JRKL: variants seen among roughly 807,000 people sequenced by gnomAD.
JRKL encodes the protein jerky protein homolog-like.
A neutral mutation model predicts 34.7 loss-of-function variants in JRKL; 25 were observed. The observed-to-expected ratio is 0.72, with a 90% CI of 0.53 to 1.01. The LOEUF is 1.01. Ranked by LOEUF, JRKL falls within the 50% of genes least tolerant of loss-of-function variation. The probability of loss-of-function intolerance (pLI) is 0.00; values close to 1 mark genes in which losing one functional copy is unlikely to be tolerated. For synonymous variants in JRKL, 204 were observed against 212.8 expected (o/e 0.96, Z 0.36); for missense variants, 495 against 615.7 (o/e 0.80, Z 2.07).
Position 96,391,816 on chromosome 11 carries a change from C to T in JRKL, c.1167C>T (p.Leu389=), listed in dbSNP as rs533002391. Residue 389 remains leucine, a synonymous_variant, in exon 2 of 2, where the codon CTC becomes CTT. Transcript: ENST00000332349. ...TTAGCAGAGCATGGAAGAAGATTCT[C>T]CCTATGGTAGAGGAGAAAGAGAGCC... ...VTISRAWKKI[L]PMVEEKESLD... is the part of the protein sequence containing the mutation. 3 of 1,614,030 alleles carry T rather than the reference C, an allele frequency of 1.9e-6. No individual in the cohort carries two copies. The highest frequency in any genetic ancestry group is 2.5e-6 in the Non-Finnish European group (3 of 1,180,028).
rs985094037 is a variant in JRKL, at chr11:96,393,203, G to A, written c.*979G>A. 8 of 163,210 alleles carry A rather than the reference G, an allele frequency of 4.9e-5. No individual in the cohort carries two copies. The highest frequency in any genetic ancestry group is 4.7e-4 in the Admixed American group (7 of 14,890). The allele number at this position is 163,210 out of a possible 1,614,324, so 10.1% of individuals were successfully genotyped here. A position where few individuals can be genotyped will look rare whatever the true frequency, so the allele number is the denominator to read the frequency against. On this transcript the variant is annotated 3_prime_UTR_variant, in exon 2 of 2. Coordinates refer to ENST00000332349, the MANE Select transcript of JRKL (RefSeq NM_001261833.2). ...TAATTTGAAAAATATTGTCATATCT[G>A]GCCCTTTGATGAGAAAAGGAAATTA... is the stretch of plus-strand genomic sequence containing the variant.
At position 96,392,948 on chromosome 11, in the gene JRKL, G is replaced by A. The variant is rs1285326620; in HGVS notation, c.*724G>A. On this transcript the variant is annotated 3_prime_UTR_variant, in exon 2 of 2. Transcript: ENST00000332349. Reference sequence around the variant, plus strand: ...GAACTTTAGGTTATTTATACAAAGGGAATAAATAGGCTGATTTTAATTTGG... The same window carrying A: ...GAACTTTAGGTTATTTATACAAAGGAAATAAATAGGCTGATTTTAATTTGG... 1.8e-5 allele frequency: 3 copies of A among 166,570 alleles called. No homozygotes were observed. In the Admixed American group the frequency reaches 2.0e-4, roughly 11 times the overall value. 10.3% of individuals were successfully genotyped at this position (166,570 alleles called of 1,614,324 possible). A position where few individuals can be genotyped will look rare whatever the true frequency, so the allele number is the denominator to read the frequency against.
chr11:96,390,202 C>T (rs917810802), intron 1 of JRKL, 129 bp downstream of exon 1: 4 of 157,352 alleles, frequency 2.5e-5, no homozygotes, highest in African/African-American at 9.6e-5. Context: ...TATCCGTTCC[C>T]CTGAGGAAGG....
intron 1 of JRKL, among the ~76,000 whole-genome samples, 186 bp downstream of exon 1, chr11:96,390,259 TG>T (rs1351923752): frequency 1.3e-5 from 2 of 152,070 alleles, no homozygotes; most frequent in East Asian, 3.9e-4. Flanking sequence ...GTCGTAACTT[TG>T]GGGTGTGGCA....
chr11:96,391,771 C>T lies in JRKL; in HGVS notation c.1122C>T (p.Asn374=), dbSNP rs2136244308. Residue 374 remains asparagine (N), a synonymous_variant, in exon 2 of 2, where the codon AAC becomes AAT. Coordinates refer to ENST00000332349, the MANE Select transcript of JRKL (RefSeq NM_001261833.2). ...DALYEIAMAW[N]LVKPVTISRA... ...TTTATGAAATAGCAATGGCATGGAA[C>T]TTAGTAAAACCAGTTACCATTAGCA... 1 of 1,614,174 alleles carries T rather than the reference C, an allele frequency of 6.2e-7. No homozygotes were observed. The highest frequency in any genetic ancestry group is 1.3e-5 in the African/African-American group (1 of 75,052).
At position 96,392,069 on chromosome 11, in the gene JRKL, A is replaced by C. The variant is rs1435078138; in HGVS notation, c.1420A>C (p.Lys474Gln). 6.2e-7 allele frequency: 1 copy of C among 1,614,040 alleles called. No homozygotes were observed. The highest frequency in any genetic ancestry group is 1.7e-5 in the Admixed American group (1 of 60,032). The change falls in exon 2 of 2, where the codon AAA becomes CAA. Residue 474 changes from lysine (K) to glutamine (Q), a missense_variant. By Grantham distance (53) the Lys-to-Gln change is moderately conservative (BLOSUM62 1). Coordinates refer to ENST00000332349, the MANE Select transcript of JRKL (RefSeq NM_001261833.2). ...EEEEIELIPE[K>Q]HINHAAALQW... ...GGAGGAAATAGAACTAATTCCAGAG[A>C]AACATATTAATCATGCAGCTGCCCT...
Position 96,392,163 on chromosome 11 carries a change from TA to T in JRKL, c.1516del (p.Ile506TyrfsTer14). The T allele has an allele frequency of 1.9e-6, 3 of 1,608,780 alleles. No homozygotes were observed. The highest frequency in any genetic ancestry group is 2.5e-6 in the Non-Finnish European group (3 of 1,178,328). The part of the protein sequence containing the change: ...QGDMILPDRL[V>X]IRKLRATIRN... ...GATATGATTCTACCTGATAGACTGG[TA>T]ATACGTAAACTTCGAGCCACCATCA... is the stretch of plus-strand genomic sequence containing the variant. On this transcript the variant is annotated frameshift_variant, in exon 2 of 2. Coordinates refer to ENST00000332349, the MANE Select transcript of JRKL (RefSeq NM_001261833.2). LOFTEE classifies it high-confidence loss of function.
rs369808888 is a variant in JRKL at position 96,390,942 on chromosome 11, C to G, written c.293C>G (p.Ser98Cys). 9.3e-6 allele frequency: 15 copies of G among 1,614,084 alleles called. No homozygotes were observed. Among genetic ancestry groups the G allele is most frequent in the Non-Finnish European group, 1.3e-5 (15 of 1,180,042 alleles). The part of the protein sequence containing the change: ...NQQRAKGNPI[S>C]GPICAKRAEF... ...CAAAGAGCAAAAGGGAATCCCATAT[C>G]TGGACCAATTTGTGCAAAAAGGGCA... is the stretch of plus-strand genomic sequence containing the variant. The change falls in exon 2 of 2, where the codon TCT becomes TGT. Residue 98 changes from serine to cysteine, a missense_variant. Transcript: ENST00000332349.
rs1866553686 is a variant in JRKL at position 96,392,030 on chromosome 11, A to C, written c.1381A>C (p.Ser461Arg). The change falls in exon 2 of 2, where the codon AGT becomes CGT. Residue 461 changes from serine (S) to arginine (R), a missense_variant. Transcript: ENST00000332349. ...RRAQGQADES[S>R]ENEEEEIELI... ...AGCACAAGGCCAGGCAGATGAATCC[A>C]GTGAAAATGAGGAGGAGGAAATAGA... 1 of 1,613,950 alleles carries C rather than the reference A, an allele frequency of 6.2e-7. No homozygotes were observed. Among genetic ancestry groups the C allele is most frequent in the Admixed American group, 1.7e-5 (1 of 60,004 alleles).
rs1363414397 is a variant in JRKL, at chr11:96,392,342, A to C, written c.*118A>C. The stretch of plus-strand genomic sequence containing the variant: ...TGGTCCTGTGAAATACAGGCACAAA[A>C]TGTATCTGAAGTGGTTTGAGGATTA... On this transcript the variant is annotated 3_prime_UTR_variant, in exon 2 of 2. Transcript: ENST00000332349. The C allele has an allele frequency of 1.4e-5, 19 of 1,399,474 alleles. No homozygotes were observed. The highest frequency in any genetic ancestry group is 1.8e-5 in the Non-Finnish European group (19 of 1,060,196). 86.7% of individuals were successfully genotyped at this position (1,399,474 alleles called of 1,614,324 possible). A position where few individuals can be genotyped will look rare whatever the true frequency, so the allele number is the denominator to read the frequency against.
At position 96,390,674 on chromosome 11, in the gene JRKL, G is replaced by A. The variant is rs1866503163; in HGVS notation, c.25G>A (p.Val9Met). 2 of 1,593,058 alleles carry A rather than the reference G, an allele frequency of 1.3e-6. No homozygotes were observed. The highest frequency in any genetic ancestry group is 1.7e-6 in the Non-Finnish European group (2 of 1,172,958). Residue 9 changes from valine to methionine, a missense_variant, in exon 2 of 2, where the codon GTG (valine) becomes ATG (methionine). Val to Met is a conservative substitution (Grantham distance 21). Coordinates refer to ENST00000332349, the MANE Select transcript of JRKL (RefSeq NM_001261833.2). MSGKRKRV[V>M]LTIKDKLDII... Reference sequence around the variant, plus strand: ...TATGTCAGGGAAACGGAAGCGTGTGGTGTTGACTATTAAAGATAAGCTTGA... The same window carrying A: ...TATGTCAGGGAAACGGAAGCGTGTGATGTTGACTATTAAAGATAAGCTTGA...
At position 96,392,347 on chromosome 11, in the gene JRKL, TCTGAA is replaced by T; in HGVS notation, c.*124_*128del. 2 of 1,381,108 alleles carry T rather than the reference TCTGAA, an allele frequency of 1.4e-6. No individual in the cohort carries two copies. The allele number at this position is 1,381,108 out of a possible 1,614,324, so 85.6% of individuals were successfully genotyped here. On this transcript the variant is annotated 3_prime_UTR_variant, in exon 2 of 2. Coordinates refer to ENST00000332349, the MANE Select transcript of JRKL (RefSeq NM_001261833.2). ...CTGTGAAATACAGGCACAAAATGTA[TCTGAA>T]GTGGTTTGAGGATTATGTGTTTTCA...
In JRKL at chr11:96,390,775, T is replaced by A. The variant is rs748382314; in HGVS notation, c.126T>A (p.Val42=). Residue 42 remains valine (V), a synonymous_variant, in exon 2 of 2, where the codon GTT becomes GTA. Coordinates refer to ENST00000332349, the MANE Select transcript of JRKL (RefSeq NM_001261833.2). ...TTTATGGAATTGGTGAAACAACAGT[T>A]CGGGATATAAGAAAAAATAAGGAAA... ...AVIYGIGETT[V]RDIRKNKEKI... 38 of 1,613,702 alleles carry A rather than the reference T, an allele frequency of 2.4e-5. No homozygotes were observed. Among genetic ancestry groups the A allele is most frequent in the Non-Finnish European group, 3.2e-5 (38 of 1,179,938 alleles).
At position 96,392,072 on chromosome 11, in the gene JRKL, CAT is replaced by C. The variant is rs1176919964; in HGVS notation, c.1426_1427del (p.Ile476Ter). ...GGAAATAGAACTAATTCCAGAGAAA[CAT>C]ATTAATCATGCAGCTGCCCTCCAGT... ...EEEIELIPEK[H>X]INHAAALQWT... On this transcript the variant is annotated frameshift_variant, in exon 2 of 2. Transcript: ENST00000332349. LOFTEE classifies it high-confidence loss of function. The C allele has an allele frequency of 2.5e-6, 4 of 1,613,840 alleles. No homozygotes were observed.
chr11:96,391,416 G>A lies in JRKL; in HGVS notation c.767G>A (p.Trp256Ter). 2 of 1,551,688 alleles carry A rather than the reference G, an allele frequency of 1.3e-6. No homozygotes were observed. Among genetic ancestry groups the A allele is most frequent in the African/African-American group, 2.7e-5 (2 of 73,160 alleles). The change falls in exon 2 of 2, where the codon TGG becomes TAG. Residue 256 changes from tryptophan (W) to a stop codon, truncating the protein, a stop_gained. Coordinates refer to ENST00000332349, the MANE Select transcript of JRKL (RefSeq NM_001261833.2). LOFTEE classifies it high-confidence loss of function. ...PVSYFSQKGA[W>*]MDLSIFRQWF... ...TCTTATTTCAGCCAAAAAGGTGCATGGATGGATCTTTCCATTTTCCGACAA... is the reference window on the plus strand; with the variant it reads ...TCTTATTTCAGCCAAAAAGGTGCATAGATGGATCTTTCCATTTTCCGACAA...
chr11:96,391,062 T>C lies in JRKL; in HGVS notation c.413T>C (p.Ile138Thr), dbSNP rs372890659. The part of the protein sequence containing the change: ...RFKQRHSIRE[I>T]NIRNERLNGD... ...AAGCAGCGGCACAGCATTAGAGAGA[T>C]TAACATTAGAAATGAAAGATTAAAT... Residue 138 changes from isoleucine (I) to threonine (T), a missense_variant, in exon 2 of 2, where the codon ATT becomes ACT. By Grantham distance (89) the Ile-to-Thr change is moderately conservative. Transcript: ENST00000332349. 1 of 1,614,098 alleles carries C rather than the reference T, an allele frequency of 6.2e-7. No homozygotes were observed. The highest frequency in any genetic ancestry group is 1.3e-5 in the African/African-American group (1 of 74,940).
Position 96,392,101 on chromosome 11 carries a change from G to A in JRKL, c.1452G>A (p.Trp484Ter), listed in dbSNP as rs747274738. The change falls in exon 2 of 2, where the codon TGG (tryptophan) becomes TGA (stop). Residue 484 changes from tryptophan to a stop codon, truncating the protein, a stop_gained. Transcript: ENST00000332349. LOFTEE classifies it high-confidence loss of function. The stretch of plus-strand genomic sequence containing the variant: ...TTAATCATGCAGCTGCCCTCCAGTG[G>A]ACTGAAAATTTATTGGATTATCTAG... ...KHINHAAALQ[W>*]TENLLDYLEQ... 3 of 1,614,034 alleles carry A rather than the reference G, an allele frequency of 1.9e-6. No homozygotes were observed. Among genetic ancestry groups the A allele is most frequent in the Non-Finnish European group, 2.5e-6 (3 of 1,179,950 alleles).
chr11:96,391,421 G>T lies in JRKL; in HGVS notation c.772G>T (p.Asp258Tyr). The T allele has an allele frequency of 6.4e-7, 1 of 1,551,680 alleles. No individual in the cohort carries two copies. Among genetic ancestry groups the T allele is most frequent in the Non-Finnish European group, 8.7e-7 (1 of 1,146,990 alleles). Residue 258 changes from aspartate to tyrosine, a missense_variant, in exon 2 of 2, where the codon GAT becomes TAT. Physicochemically the swap from Asp to Tyr is radical, Grantham distance 160. Transcript: ENST00000332349. Reference sequence around the variant, plus strand: ...TTTCAGCCAAAAAGGTGCATGGATGGATCTTTCCATTTTCCGACAATGGTT... The same window carrying T: ...TTTCAGCCAAAAAGGTGCATGGATGTATCTTTCCATTTTCCGACAATGGTT... The part of the protein sequence containing the change: ...SYFSQKGAWM[D>Y]LSIFRQWFDK...
In JRKL at chr11:96,392,167, A is replaced by G; in HGVS notation, c.1518A>G (p.Ile506Met). The G allele has an allele frequency of 6.2e-7, 1 of 1,604,896 alleles. No homozygotes were observed. The highest frequency in any genetic ancestry group is 8.5e-7 in the Non-Finnish European group (1 of 1,177,006). The change falls in exon 2 of 2, where the codon ATA (isoleucine) becomes ATG (methionine). Residue 506 changes from isoleucine to methionine, a missense_variant. By Grantham distance (10) the Ile-to-Met change is conservative. Transcript: ENST00000332349. ...TGATTCTACCTGATAGACTGGTAAT[A>G]CGTAAACTTCGAGCCACCATCAGAA... ...GDMILPDRLVIRKLRATIRNK... is the reference protein window; with the variant it reads ...GDMILPDRLVMRKLRATIRNK...
Sources: allele counts gnomAD v4.1 joint callset (sites outside exome capture counted in the v4.1 genomes callset), GRCh38; gene constraint gnomAD v4.1.1; transcripts MANE v1.5; gene names NCBI Gene and HGNC (gene_info 2026-07-23, HGNC 2026-07-21).